PSAP: variants seen among roughly 807,000 people sequenced by gnomAD.
PSAP encodes the protein precursor of saposins.
A neutral mutation model predicts 66.0 loss-of-function variants in PSAP; 25 were observed. The ratio of observed to expected loss-of-function variants is 0.38; its 90% CI spans 0.28 to 0.53. The LOEUF (loss-of-function observed/expected upper bound fraction) is 0.53, where lower values mean the gene tolerates loss of function less well. Among genes scored for constraint, PSAP ranks in the 20% least tolerant of loss-of-function variants. PSAP has a pLI of 0.83. For synonymous variants in PSAP, 273 were observed against 258.9 expected (o/e 1.05, Z -0.52); for missense variants, 649 against 668.8 (o/e 0.97, Z 0.33).
chr10:71,845,683 G>T (rs1038888678), intron 1 of PSAP, among the ~76,000 whole-genome samples: 1 of 152,078 alleles, frequency 6.6e-6, no homozygotes, highest in Non-Finnish European at 1.5e-5. Context: ...CTCCATTTAC[G>T]AATGGGGAAA....
intron 2 of PSAP, 72 bp downstream of exon 2, chr10:71,834,300 A>G: frequency 1.2e-6 from 2 of 1,605,694 alleles, no homozygotes; most frequent in Non-Finnish European, 8.5e-7. Flanking sequence ...TCAATATGGC[A>G]GTGAGTTACA....
chr10:71,828,566 G>A (rs1184825138), intron 5 of PSAP, among the ~76,000 whole-genome samples: 1 of 152,166 alleles, frequency 6.6e-6, no homozygotes, highest in Non-Finnish European at 1.5e-5. Context: ...GATCACTTAA[G>A]CCTCAGAGGT....
At chr10:71,839,728 C>A (rs1842697625) in intron 1 of PSAP, among the ~76,000 whole-genome samples, 1 of 152,074 alleles carries the variant, frequency 6.6e-6, no homozygotes, top group Non-Finnish European at 1.5e-5. Context: ...GTGGCAGGTG[C>A]CTGTAATCCC....
intron 1 of PSAP, among the ~76,000 whole-genome samples, chr10:71,836,045 C>CT (rs1317222791): frequency 6.6e-6 from 1 of 152,276 alleles, no homozygotes; most frequent in African/African-American, 2.4e-5. Context: ...CACACAAAGA[C>CT]TGAGTCCCAC....
At chr10:71,842,137 G>C (rs111747691) in intron 1 of PSAP, among the ~76,000 whole-genome samples, 39 of 152,234 alleles carry the variant, frequency 2.6e-4, no homozygotes, top group African/African-American at 8.4e-4. Flanking sequence ...ACTCTTTCAG[G>C]GGGTGAGGGC....
intron 1 of PSAP, among the ~76,000 whole-genome samples, chr10:71,847,592 A>T (rs1340652013): frequency 6.6e-6 from 1 of 151,648 alleles, no homozygotes; most frequent in Non-Finnish European, 1.5e-5. Flanking sequence ...CCTCTCTCTC[A>T]CAAGAGAGAG....
intron 7 of PSAP, among the ~76,000 whole-genome samples, chr10:71,824,849 C>T (rs921403342): frequency 2.0e-5 from 3 of 152,184 alleles, no homozygotes; most frequent in Non-Finnish European, 2.9e-5. Flanking sequence ...AAGTACTTCA[C>T]GAGATTAAAT....
Position 71,817,530 on chromosome 10 carries a change from G to A in PSAP, c.1540-54C>T, listed in dbSNP as rs367867129. ...TCTTCGGATGAAAAACTCCGTTCCC[G>A]GCCCATCAATGTATCAGATATCACC... On this transcript the variant is annotated intron_variant, in intron 13 of 13. Coordinates refer to ENST00000394936, the MANE Select transcript of PSAP (RefSeq NM_002778.4). 1.5e-5 allele frequency: 23 copies of A among 1,571,418 alleles called. 1 individual carries two copies. The East Asian group carries it at 1.6e-4, about 11-fold the overall frequency.
At position 71,817,343 on chromosome 10, in the gene PSAP, A is replaced by G. The variant is rs1233907553; in HGVS notation, c.*98T>C. On this transcript the variant is annotated 3_prime_UTR_variant, in exon 14 of 14. Coordinates refer to ENST00000394936, the MANE Select transcript of PSAP (RefSeq NM_002778.4). ...GGGGAGGTGGGGGAGCCCTATTTTT[A>G]TAACAAAGTCAAACAGATCTGTGCG... 7.4e-7 allele frequency: 1 copy of G among 1,347,098 alleles called. No homozygotes were observed. The highest frequency in any genetic ancestry group is 1.4e-5 in the African/African-American group (1 of 69,442). The allele number at this position is 1,347,098 out of a possible 1,614,324, so 83.4% of individuals were successfully genotyped here.
intron 2 of PSAP, among the ~76,000 whole-genome samples, chr10:71,834,097 C>A (rs1332945265): frequency 2.6e-5 from 4 of 152,152 alleles, no homozygotes; most frequent in African/African-American, 7.2e-5. Flanking sequence ...GGGGCAGGCA[C>A]CTGGAGCCGC....
In PSAP at chr10:71,832,072, G is replaced by A. The variant is rs41306532; in HGVS notation, c.175-152C>T. The A allele has an allele frequency of 0.46, 356,593 of 770,440 alleles. 89,425 individuals are homozygous for A. The highest frequency in any genetic ancestry group is 0.52 in the Non-Finnish European group (232,107 of 444,168). The allele number at this position is 770,440 out of a possible 1,614,324, so 47.7% of individuals were successfully genotyped here. A position where few individuals can be genotyped will look rare whatever the true frequency, so the allele number is the denominator to read the frequency against. ...CACATCCTGGTTCTCCACCCTGCAT[G>A]AGCAGCGCTGGGGCACGGCAGGGAG... is the stretch of plus-strand genomic sequence containing the variant. On this transcript the variant is annotated intron_variant, in intron 2 of 13. Coordinates refer to ENST00000394936, the MANE Select transcript of PSAP (RefSeq NM_002778.4).
At chr10:71,818,970 G>T in intron 12 of PSAP, 61 bp downstream of exon 12, 2 of 1,487,882 alleles carry the variant, frequency 1.3e-6, no homozygotes, top group Non-Finnish European at 9.4e-7. Context: ...ACCCTTCCGG[G>T]TCTCTGCAGC....
chr10:71,848,789 A>G (rs1183005816), intron 1 of PSAP, among the ~76,000 whole-genome samples: 1 of 152,192 alleles, frequency 6.6e-6, no homozygotes, highest in Non-Finnish European at 1.5e-5. Context: ...TCACAATATC[A>G]CAAAGGGGCC....
rs748216156 is a variant in PSAP at position 71,831,269 on chromosome 10, G to A, written c.250-18C>T. ...ATCTCCTCCTACGAGAGGACACCAGGGTCAGAATCACGATAGGCTTTCCTC... is the reference window on the plus strand; with the variant it reads ...ATCTCCTCCTACGAGAGGACACCAGAGTCAGAATCACGATAGGCTTTCCTC... On this transcript the variant is annotated intron_variant, in intron 3 of 13. Transcript: ENST00000394936. 1.9e-6 allele frequency: 3 copies of A among 1,612,990 alleles called. No homozygotes were observed. Among genetic ancestry groups the A allele is most frequent in the African/African-American group, 1.3e-5 (1 of 74,888 alleles).
At chr10:71,823,016 A>T (rs1842336001) in intron 7 of PSAP, among the ~76,000 whole-genome samples, 3 of 152,062 alleles carry the variant, frequency 2.0e-5, no homozygotes, top group Non-Finnish European at 4.4e-5. Context: ...TTTTAGAAAA[A>T]AAAAAAAGAC....
chr10:71,840,747 G>A (rs61853692), intron 1 of PSAP, among the ~76,000 whole-genome samples: 68,075 of 151,966 alleles, frequency 0.45, 16,441 homozygotes, highest in Middle Eastern at 0.56. Flanking sequence ...CTACAGCCTC[G>A]CTTCTTAATT....
At chr10:71,822,137 C>A in intron 7 of PSAP, 130 bp from the exon 8 acceptor site, 1 of 1,251,444 alleles carries the variant, frequency 8.0e-7, no homozygotes, top group Non-Finnish European at 1.1e-6. Flanking sequence ...CTCTCCCCCT[C>A]CCACAACGGG....
chr10:71,822,460 G>A (rs949343872), intron 7 of PSAP, among the ~76,000 whole-genome samples: 1 of 152,154 alleles, frequency 6.6e-6, no homozygotes, highest in Admixed American at 6.5e-5. Flanking sequence ...TTTTTCAGCG[G>A]CAGGACCATT....
chr10:71,833,814 T>C (rs1842567952), intron 2 of PSAP, among the ~76,000 whole-genome samples: 1 of 152,232 alleles, frequency 6.6e-6, no homozygotes, highest in Admixed American at 6.5e-5. Context: ...CAGTGCTAGC[T>C]TCCTCAGTGT....
Sources: gnomAD v4.1 joint callset for allele counts (sites outside exome capture counted in the v4.1 genomes callset) on GRCh38, gnomAD v4.1.1 for gene constraint, MANE v1.5 for transcripts, NCBI Gene and HGNC (gene_info 2026-07-23, HGNC 2026-07-21) for gene names.